TAFA5: variants seen among roughly 807,000 people sequenced by gnomAD.
TAFA5 encodes the protein TAFA chemokine like family member 5.
TAFA5 carries 6 observed loss-of-function variants against 15.3 expected under a neutral mutation model. The ratio of observed to expected loss-of-function variants is 0.39; its 90% CI spans 0.21 to 0.77. TAFA5 has a LOEUF of 0.77. TAFA5 is among the 30% of genes least tolerant of loss of function. The pLI is 0.41. For missense variants in TAFA5, 161 were observed against 193.1 expected, an observed-to-expected ratio of 0.83 and a Z score of 0.98; for synonymous variants, 103 against 80.7, an observed-to-expected ratio of 1.28 and a Z score of -1.48.
At chr22:48,591,904 C>T (rs1349075000) in intron 1 of TAFA5, among the ~76,000 whole-genome samples, 1 of 152,196 alleles carries the variant, frequency 6.6e-6, no homozygotes, top group Non-Finnish European at 1.5e-5. Context: ...GGCCCGGTGT[C>T]TGTCTCCCCA....
At chr22:48,499,601 G>T (rs1180245417) in intron 1 of TAFA5, among the ~76,000 whole-genome samples, 1 of 152,198 alleles carries the variant, frequency 6.6e-6, no homozygotes, top group Non-Finnish European at 1.5e-5. Context: ...CCGCAGGGGG[G>T]TGGCGCCGGG....
At chr22:48,739,561 C>A (rs994593322) in intron 3 of TAFA5, among the ~76,000 whole-genome samples, 4 of 152,174 alleles carry the variant, frequency 2.6e-5, no homozygotes, top group African/African-American at 9.7e-5. Context: ...GGTGCTGTGT[C>A]CTCTGGGGTG....
intron 3 of TAFA5, among the ~76,000 whole-genome samples, chr22:48,741,820 A>G (rs1031226104): frequency 6.6e-6 from 1 of 152,194 alleles, no homozygotes; most frequent in Admixed American, 6.5e-5. Flanking sequence ...AGTCTGGGGT[A>G]CCTGGTTACA....
At chr22:48,664,689 G>A (rs544301306) in intron 2 of TAFA5, among the ~76,000 whole-genome samples, 2 of 152,192 alleles carry the variant, frequency 1.3e-5, no homozygotes, top group East Asian at 1.9e-4. Flanking sequence ...TCCCATCAAC[G>A]GAAGCAGGGA....
intron 1 of TAFA5, among the ~76,000 whole-genome samples, chr22:48,624,633 C>T (rs1925964789): frequency 6.6e-6 from 1 of 152,196 alleles, no homozygotes; most frequent in African/African-American, 2.4e-5. Context: ...CTCCCCCTGG[C>T]ACTCGTGGGC....
At chr22:48,684,322 G>A (rs1928288330) in intron 2 of TAFA5, among the ~76,000 whole-genome samples, 1 of 152,082 alleles carries the variant, frequency 6.6e-6, no homozygotes, top group South Asian at 2.1e-4. Context: ...AGAGGCACTT[G>A]GAAGTAGGCA....
rs1442474177 is a variant in TAFA5, at chr22:48,489,839, C to A, written c.112+135C>A. 2.1e-6 allele frequency: 1 copy of A among 467,964 alleles called. No individual in the cohort carries two copies. Among genetic ancestry groups the A allele is most frequent in the African/African-American group, 2.1e-5 (1 of 47,852 alleles). 29.0% of individuals were successfully genotyped at this position (467,964 alleles called of 1,614,324 possible). Reference sequence around the variant, plus strand: ...GCGCCGGGCGCATGGTCCCCCGAGTCCCGGCCGGTCCAACGCTGCGCTGGG... The same window carrying A: ...GCGCCGGGCGCATGGTCCCCCGAGTACCGGCCGGTCCAACGCTGCGCTGGG... On this transcript the variant is annotated intron_variant, in intron 1 of 3. Coordinates refer to ENST00000402357, the MANE Select transcript of TAFA5 (RefSeq NM_001082967.3). This position sits in a 1 kb window ranked among gnomAD's most constrained non-coding sequence, Gnocchi z 5.5.
intron 2 of TAFA5, among the ~76,000 whole-genome samples, chr22:48,686,488 C>T (rs1160163498): frequency 6.6e-6 from 1 of 152,206 alleles, no homozygotes; most frequent in Admixed American, 6.5e-5. Context: ...GGCCTAATCA[C>T]TGCCCAAAGG....
In TAFA5 at chr22:48,518,941, G is replaced by A. The variant is rs200361753; in HGVS notation, c.112+29237G>A. Among the ~76,000 whole-genome samples the A allele has an allele frequency of 5.9e-5, 9 of 152,206 alleles. No individual in the cohort carries two copies. In the East Asian group the frequency reaches 1.4e-3, roughly 23 times the overall value. On this transcript the variant is annotated intron_variant, in intron 1 of 3. Transcript: ENST00000402357. ...TTCCTGGGGTGACCAGGCGGCCGGC[G>A]GTCCCCCAGCTCACCTGTCCGTCAA...
rs12158560 is a variant in TAFA5 at position 48,521,755 on chromosome 22, T to C, written c.112+32051T>C. On this transcript the variant is annotated intron_variant, in intron 1 of 3. Coordinates refer to ENST00000402357, the MANE Select transcript of TAFA5 (RefSeq NM_001082967.3). Reference sequence around the variant, plus strand: ...ATCACCACCTGGAACTGCCCCAATCTTCGTTGAATTTGTCATTAAAGCATC... The same window carrying C: ...ATCACCACCTGGAACTGCCCCAATCCTCGTTGAATTTGTCATTAAAGCATC... Among the ~76,000 whole-genome samples the C allele has an allele frequency of 4.8e-3, 733 of 152,262 alleles. 7 individuals are homozygous for C. The highest frequency in any genetic ancestry group is 0.016 in the African/African-American group (683 of 41,554).
intron 1 of TAFA5, among the ~76,000 whole-genome samples, chr22:48,601,046 C>T (rs749322830): frequency 5.9e-5 from 9 of 152,228 alleles, no homozygotes; most frequent in African/African-American, 1.7e-4. Context: ...GGAGGACGTA[C>T]AGTCAGATAT....
In TAFA5 at chr22:48,663,067, C is replaced by G. The variant is rs777713676; in HGVS notation, c.262+16321C>G. On this transcript the variant is annotated intron_variant, in intron 2 of 3. Coordinates refer to ENST00000402357, the MANE Select transcript of TAFA5 (RefSeq NM_001082967.3). The stretch of plus-strand genomic sequence containing the variant: ...TGGGGATGCTTGGGATGCTCCGGGA[C>G]GCAGGGTGGCTGGATGAGCAGGGTG... 5.3e-5 allele frequency among the ~76,000 whole-genome samples: 8 copies of G among 150,702 alleles called. No individual in the cohort carries two copies. In the East Asian group the frequency reaches 1.6e-3, roughly 30 times the overall value.
intron 1 of TAFA5, among the ~76,000 whole-genome samples, chr22:48,593,039 C>A (rs1379661946): frequency 6.6e-6 from 1 of 152,120 alleles, no homozygotes; most frequent in African/African-American, 2.4e-5. Context: ...AGGAGGGAGG[C>A]GTCCCTGCAG....
At chr22:48,716,793 T>C (rs1929414579) in intron 3 of TAFA5, among the ~76,000 whole-genome samples, 2 of 152,046 alleles carry the variant, frequency 1.3e-5, no homozygotes, top group South Asian at 4.2e-4. Flanking sequence ...TGCCTATAGG[T>C]ACTGTATGCC....
At chr22:48,591,111 C>T (rs1222837386) in intron 1 of TAFA5, among the ~76,000 whole-genome samples, 1 of 152,234 alleles carries the variant, frequency 6.6e-6, no homozygotes, top group Non-Finnish European at 1.5e-5. Context: ...CTCGGCCTCC[C>T]AAAGTCATGA....
chr22:48,607,937 C>T (rs1233915235), intron 1 of TAFA5, among the ~76,000 whole-genome samples: 1 of 152,144 alleles, frequency 6.6e-6, no homozygotes, highest in Admixed American at 6.6e-5. Context: ...GGTCGTTTCC[C>T]TTTGGAGAAA....
Position 48,602,461 on chromosome 22 carries a change from C to T in TAFA5, c.113-44136C>T, listed in dbSNP as rs561778042. On this transcript the variant is annotated intron_variant, in intron 1 of 3. Coordinates refer to ENST00000402357, the MANE Select transcript of TAFA5 (RefSeq NM_001082967.3). ...CCTCACTGGGGCTGTGGATGGAACA[C>T]GCCCAGGAGGCATCCGTGGAGGTGG... 1.1e-4 allele frequency among the ~76,000 whole-genome samples: 16 copies of T among 152,330 alleles called. No individual in the cohort carries two copies. The South Asian group carries it at 2.3e-3, about 22-fold the overall frequency.
chr22:48,636,946 G>C (rs906539700), intron 1 of TAFA5, among the ~76,000 whole-genome samples: 14 of 152,216 alleles, frequency 9.2e-5, no homozygotes, highest in African/African-American at 3.4e-4. Flanking sequence ...CCAGGGCTCT[G>C]GACCCTCCTG....
At chr22:48,729,405 T>G in intron 3 of TAFA5, among the ~76,000 whole-genome samples, 1 of 72,358 alleles carries the variant, frequency 1.4e-5, no homozygotes, top group South Asian at 3.3e-4. Context: ...GTCATAAATA[T>G]ATTTATATTA....
Sources: gnomAD v4.1 joint callset for allele counts (sites outside exome capture counted in the v4.1 genomes callset) on GRCh38, gnomAD v4.1.1 for gene constraint, Gnocchi (gnomAD v3.1) non-coding constraint, MANE v1.5 for transcripts, NCBI Gene and HGNC (gene_info 2026-07-23, HGNC 2026-07-21) for gene names.